The following NCOA7 variants were observed in gnomAD, a reference collection of about 807,000 sequenced individuals.
The protein encoded by NCOA7 is 140 kDa estrogen receptor-associated protein.
A neutral mutation model predicts 104.3 loss-of-function variants in NCOA7; 45 were observed. The ratio of observed to expected loss-of-function variants is 0.43; its 90% CI spans 0.34 to 0.55. The LOEUF (loss-of-function observed/expected upper bound fraction) is 0.55. NCOA7 is among the 20% of genes least tolerant of loss of function. The pLI, the probability that NCOA7 is intolerant of heterozygous loss-of-function variation, is 0.02. For synonymous variants in NCOA7, 398 were observed against 402.3 expected (o/e 0.99, Z 0.13); for missense variants, 1,041 against 1,119.7 (o/e 0.93, Z 1.00).
chr6:125,820,660 C>G (rs1778097124), intron 2 of NCOA7, among the ~76,000 whole-genome samples: 1 of 151,908 alleles, frequency 6.6e-6, no homozygotes, highest in South Asian at 2.1e-4. Context: ...CTCACACATT[C>G]CTTTAATAAC....
chr6:125,840,914 A>T, intron 2 of NCOA7, among the ~76,000 whole-genome samples: 1 of 42,106 alleles, frequency 2.4e-5, no homozygotes, highest in Non-Finnish European at 4.2e-5. Context: ...TTTTTTTGAG[A>T]CAGAGTCTCA....
rs567861611 is a variant in NCOA7 at position 125,901,562 on chromosome 6, A to G, written c.2096+10752A>G. ...GGAGCTGGGGCGGGTGCCTTTGGGCACCAGTGGGAATGAACCCTGTACCAG... is the reference window on the plus strand; with the variant it reads ...GGAGCTGGGGCGGGTGCCTTTGGGCGCCAGTGGGAATGAACCCTGTACCAG... On this transcript the variant is annotated intron_variant, in intron 10 of 15. Transcript: ENST00000392477. Among the ~76,000 whole-genome samples the G allele has an allele frequency of 6.6e-5, 10 of 152,282 alleles. No individual in the cohort carries two copies. The South Asian group carries it at 1.9e-3, about 28-fold the overall frequency.
At chr6:125,921,424 T>C (rs986391176) in intron 12 of NCOA7, among the ~76,000 whole-genome samples, 1 of 151,276 alleles carries the variant, frequency 6.6e-6, no homozygotes, top group African/African-American at 2.4e-5. Context: ...AAAAAAAAAA[T>C]TCCCATCCCT....
intron 3 of NCOA7, chr6:125,855,715 G>A (rs983315344): frequency 3.9e-5 from 6 of 152,434 alleles, no homozygotes; most frequent in African/African-American, 9.7e-5. Context: ...ACAGAGTCTT[G>A]CTCTGTCCCC....
intron 5 of NCOA7, among the ~76,000 whole-genome samples, chr6:125,879,998 C>A (rs1050508703): frequency 6.6e-5 from 10 of 152,032 alleles, no homozygotes; most frequent in Non-Finnish European, 1.2e-4. Context: ...GAGTGAAACT[C>A]CATCTCAGAA....
chr6:125,811,040 T>G (rs1776955030), intron 1 of NCOA7, among the ~76,000 whole-genome samples: 1 of 152,236 alleles, frequency 6.6e-6, no homozygotes, highest in Non-Finnish European at 1.5e-5. Flanking sequence ...TGCTGTAACT[T>G]AATTTTTATT....
chr6:125,920,687 G>C (rs572766688), intron 11 of NCOA7, among the ~76,000 whole-genome samples: 3 of 152,278 alleles, frequency 2.0e-5, no homozygotes, highest in African/African-American at 7.2e-5. Flanking sequence ...GGGCATACAG[G>C]CATGAGCCAC....
chr6:125,928,565 G>A, intron 15 of NCOA7, 71 bp from the exon 16 acceptor site: 3 of 1,518,106 alleles, frequency 2.0e-6, no homozygotes, highest in Admixed American at 2.1e-5. Context: ...AGAAGATGGG[G>A]GCAAGAGAGA....
intron 2 of NCOA7, among the ~76,000 whole-genome samples, chr6:125,834,526 C>G (rs896459708): frequency 5.3e-5 from 8 of 152,174 alleles, no homozygotes; most frequent in Non-Finnish European, 8.8e-5. Context: ...CCAGGGTCAC[C>G]AGACTCTCAG....
chr6:125,858,777 C>A (rs1781807507), intron 3 of NCOA7, among the ~76,000 whole-genome samples: 3 of 152,160 alleles, frequency 2.0e-5, no homozygotes, highest in Admixed American at 2.0e-4. Context: ...TCCACCTAGA[C>A]CCTTTCCAAA....
In NCOA7 at chr6:125,920,955, G is replaced by T. The variant is rs1787519126; in HGVS notation, c.2257G>T (p.Glu753Ter). The T allele has an allele frequency of 6.2e-7, 1 of 1,613,164 alleles. No homozygotes were observed. Among genetic ancestry groups the T allele is most frequent in the South Asian group, 1.1e-5 (1 of 91,058 alleles). The change falls in exon 12 of 16, where the codon GAA (glutamate) becomes TAA (stop). Residue 753 changes from glutamate to a stop codon, truncating the protein, a stop_gained. Transcript: ENST00000392477. LOFTEE classifies it high-confidence loss of function. ...TTTCTCATTTCAGATCATCACTGTT[G>T]AAGAGGCAAAGCGCAGGAAGAGCAC... Reference protein sequence around the residue: ...TTKSWEIITVEEAKRRKSTCS... With the variant: ...TTKSWEIITV
chr6:125,836,716 C>G (rs1284604620), intron 2 of NCOA7, among the ~76,000 whole-genome samples: 1 of 152,054 alleles, frequency 6.6e-6, no homozygotes, highest in African/African-American at 2.4e-5. Context: ...AAAGGAATGC[C>G]TGGGAGCAGA....
intron 11 of NCOA7, chr6:125,919,377 C>A (rs1276128993): frequency 1.2e-6 from 2 of 1,612,706 alleles, no homozygotes; most frequent in African/African-American, 2.7e-5. Flanking sequence ...AAAGATTACC[C>A]TTGGACATCC....
rs1788323862 is a variant in NCOA7 at position 125,929,418 on chromosome 6, C to T, written c.*647C>T. On this transcript the variant is annotated 3_prime_UTR_variant, in exon 16 of 16. Transcript: ENST00000392477. ...ATAGTTTTATATTGAATTTTTTTTG[C>T]CCTGATTGTTTAGGGTGATAGGTCT... 1 of 150,010 alleles carries T rather than the reference C, an allele frequency of 6.7e-6. No individual in the cohort carries two copies. The highest frequency in any genetic ancestry group is 1.5e-5 in the Non-Finnish European group (1 of 67,670). 9.3% of individuals were successfully genotyped at this position (150,010 alleles called of 1,614,324 possible).
At chr6:125,909,882 G>A (rs1481892773) in intron 10 of NCOA7, among the ~76,000 whole-genome samples, 1 of 152,110 alleles carries the variant, frequency 6.6e-6, no homozygotes, top group Non-Finnish European at 1.5e-5. Context: ...AAGGAAGCAG[G>A]GCCTTGCTCT....
chr6:125,903,187 C>A (rs1785658390), intron 10 of NCOA7, among the ~76,000 whole-genome samples: 1 of 152,154 alleles, frequency 6.6e-6, no homozygotes, highest in Non-Finnish European at 1.5e-5. Context: ...ATGAAGAAAT[C>A]TGATTAAGGC....
chr6:125,898,866 AG>A (rs1185285467), intron 10 of NCOA7, among the ~76,000 whole-genome samples: 8 of 152,266 alleles, frequency 5.3e-5, no homozygotes, highest in African/African-American at 1.9e-4. Flanking sequence ...AAAATTATAC[AG>A]ACTAATATTT....
At chr6:125,901,143 A>G (rs952284045) in intron 10 of NCOA7, among the ~76,000 whole-genome samples, 2 of 152,198 alleles carry the variant, frequency 1.3e-5, no homozygotes, top group East Asian at 3.8e-4. Context: ...TCTAGGGCAC[A>G]TTCTTCTTTC....
chr6:125,903,679 T>C (rs1244420427), intron 10 of NCOA7, among the ~76,000 whole-genome samples: 1 of 151,940 alleles, frequency 6.6e-6, no homozygotes, highest in Non-Finnish European at 1.5e-5. Flanking sequence ...AGAAAAATAA[T>C]ATGCTAGTAG....
Sources: gnomAD v4.1 joint callset for allele counts (sites outside exome capture counted in the v4.1 genomes callset) on GRCh38, gnomAD v4.1.1 for gene constraint, MANE v1.5 for transcripts, NCBI Gene and HGNC (gene_info 2026-07-23, HGNC 2026-07-21) for gene names.